ETS1: variants seen among roughly 807,000 people sequenced by gnomAD.
The protein encoded by ETS1 is protein C-ets-1.
Under a neutral mutation model 58.6 loss-of-function variants are expected in ETS1, and 15 were observed. The observed-to-expected ratio is 0.26, with a 90% confidence interval of 0.17 to 0.39. ETS1 has a LOEUF of 0.39. Among genes scored for constraint, ETS1 ranks in the 10% least tolerant of loss-of-function variants. ETS1 has a pLI of 1.00. For synonymous variants in ETS1, 214 were observed against 218.2 expected (o/e 0.98, Z 0.17); for missense variants, 417 against 610.5 (o/e 0.68, Z 3.34).
chr11:128,512,260 T>C (rs573557821), intron 3 of ETS1, among the ~76,000 whole-genome samples: 273 of 152,268 alleles, frequency 1.8e-3, no homozygotes, highest in Middle Eastern at 6.8e-3. Flanking sequence ...TGGCACAAAG[T>C]TTGCGCCCAA....
chr11:128,509,429 T>C (rs1188016219), intron 3 of ETS1, among the ~76,000 whole-genome samples: 3 of 152,176 alleles, frequency 2.0e-5, no homozygotes, highest in Non-Finnish European at 2.9e-5. Context: ...ATTCCTCAAT[T>C]GTCTAATCTG....
At chr11:128,517,632 CAG>C (rs1863560683) in intron 3 of ETS1, among the ~76,000 whole-genome samples, 2 of 152,282 alleles carry the variant, frequency 1.3e-5, no homozygotes, top group South Asian at 4.2e-4. Flanking sequence ...TTACACAAAC[CAG>C]AGAGACATCT....
intron 2 of ETS1, among the ~76,000 whole-genome samples, chr11:128,562,865 A>G (rs1864425949): frequency 6.6e-6 from 1 of 152,052 alleles, no homozygotes; most frequent in African/African-American, 2.4e-5. Flanking sequence ...ATCTCCCTGG[A>G]ACTGCCTATT....
At chr11:128,467,252 G>C (rs962871278) in intron 8 of ETS1, among the ~76,000 whole-genome samples, 1 of 152,174 alleles carries the variant, frequency 6.6e-6, no homozygotes, top group Admixed American at 6.5e-5. Flanking sequence ...GTCTGGGAGG[G>C]GACTTCAGGG....
intron 1 of ETS1, among the ~76,000 whole-genome samples, chr11:128,584,933 AAG>A (rs1837269532): frequency 7.3e-6 from 1 of 137,770 alleles, no homozygotes. Flanking sequence ...AGGAAGAAAA[AAG>A]AGAAAAGAAA....
chr11:128,540,402 C>T (rs1046530129), intron 3 of ETS1, among the ~76,000 whole-genome samples: 4 of 150,222 alleles, frequency 2.7e-5, no homozygotes, highest in Admixed American at 2.6e-4. Context: ...TGTAAATACA[C>T]TAAACAGAAC....
chr11:128,464,422 C>G lies in ETS1; in HGVS notation c.1124-795G>C, dbSNP rs1861981687. Among the ~76,000 whole-genome samples the G allele has an allele frequency of 6.6e-6, 1 of 151,838 alleles. No homozygotes were observed. Among genetic ancestry groups the G allele is most frequent in the Admixed American group, 6.6e-5 (1 of 15,240 alleles). ...CTTCTCTGTCTTAGCCATCAACACT[C>G]TGACAGTCAATTTATTCTATGCTAA... On this transcript the variant is annotated intron_variant, in intron 8 of 9. Coordinates refer to ENST00000392668, the MANE Select transcript of ETS1 (RefSeq NM_001143820.2). The surrounding 1 kb of genome is among the most constrained non-coding windows in gnomAD (Gnocchi z 4.1).
At chr11:128,509,615 A>G (rs941529793) in intron 3 of ETS1, among the ~76,000 whole-genome samples, 2 of 146,402 alleles carry the variant, frequency 1.4e-5, no homozygotes, top group African/African-American at 2.6e-5. Context: ...GTAGATATGT[A>G]TAAGTGAAAT....
chr11:128,583,530 TG>T (rs754820272), intron 1 of ETS1, among the ~76,000 whole-genome samples: 7 of 152,174 alleles, frequency 4.6e-5, no homozygotes, highest in African/African-American at 1.4e-4. Flanking sequence ...TTGCATTATA[TG>T]TTTTTTTTTA....
rs1372984570 is a variant in ETS1, at chr11:128,549,834, G to T, written c.214+6457C>A. Among the ~76,000 whole-genome samples the T allele has an allele frequency of 6.6e-6, 1 of 152,178 alleles. No homozygotes were observed. The highest frequency in any genetic ancestry group is 1.5e-5 in the Non-Finnish European group (1 of 68,032). On this transcript the variant is annotated intron_variant, in intron 3 of 9. Coordinates refer to ENST00000392668, the MANE Select transcript of ETS1 (RefSeq NM_001143820.2). This position sits in a 1 kb window ranked among gnomAD's most constrained non-coding sequence, Gnocchi z 4.3. Reference sequence around the variant, plus strand: ...TGCAGCTCTTTCTGGCCCTCACCAGGCTGGCCTCTCCTTTGGCTGGTGAAA... The same window carrying T: ...TGCAGCTCTTTCTGGCCCTCACCAGTCTGGCCTCTCCTTTGGCTGGTGAAA...
chr11:128,567,611 GTTTTGT>G (rs5795622), intron 2 of ETS1, among the ~76,000 whole-genome samples: 4,976 of 147,556 alleles, frequency 0.034, 263 homozygotes, highest in African/African-American at 0.11. Context: ...TGTTTTTTGG[GTTTTGT>G]TTTTGTTTTT....
chr11:128,498,470 G>A (rs1044221069), intron 3 of ETS1, among the ~76,000 whole-genome samples: 7 of 152,198 alleles, frequency 4.6e-5, no homozygotes, highest in Admixed American at 2.0e-4. Context: ...ATCTGCTAAC[G>A]GGAAATACTT....
intron 8 of ETS1, among the ~76,000 whole-genome samples, chr11:128,465,091 C>T (rs1861998733): frequency 6.6e-6 from 1 of 152,184 alleles, no homozygotes; most frequent in Non-Finnish European, 1.5e-5. Flanking sequence ...GCTACTGACA[C>T]GAGCTATCAT....
chr11:128,469,461 C>T (rs916299463), intron 8 of ETS1, among the ~76,000 whole-genome samples: 14 of 152,212 alleles, frequency 9.2e-5, no homozygotes, highest in African/African-American at 3.4e-4. Context: ...GTGTATCAAT[C>T]TGCCTTTCAT....
chr11:128,503,969 C>G (rs1196931726), intron 3 of ETS1, among the ~76,000 whole-genome samples: 3 of 152,170 alleles, frequency 2.0e-5, no homozygotes, highest in Non-Finnish European at 2.9e-5. Context: ...CCCAACATGG[C>G]ACATCTAATG....
intron 8 of ETS1, among the ~76,000 whole-genome samples, chr11:128,467,326 C>T (rs1212092530): frequency 6.6e-6 from 1 of 152,160 alleles, no homozygotes; most frequent in African/African-American, 2.4e-5. Flanking sequence ...CTACACAGAT[C>T]CACCAGCGAC....
intron 3 of ETS1, among the ~76,000 whole-genome samples, chr11:128,512,072 T>G (rs1431373300): frequency 1.3e-5 from 2 of 152,186 alleles, no homozygotes; most frequent in African/African-American, 4.8e-5. Context: ...ACCCAAATAT[T>G]TCTGAGAATT....
Position 128,511,236 on chromosome 11 carries a change from A to G in ETS1, c.215-20660T>C, listed in dbSNP as rs561399426. 3.0e-4 allele frequency among the ~76,000 whole-genome samples: 46 copies of G among 152,360 alleles called. 1 individual carries two copies. Among genetic ancestry groups the G allele is most frequent in the African/African-American group, 1.1e-3 (46 of 41,590 alleles). ...AAAGGGGTAAACTGAGGCACAGAAG[A>G]ACAAAGCAATGTGCCTTATAGTTCA... On this transcript the variant is annotated intron_variant, in intron 3 of 9. Transcript: ENST00000392668.
intron 1 of ETS1, among the ~76,000 whole-genome samples, chr11:128,581,850 C>T (rs948292124): frequency 1.3e-5 from 2 of 152,080 alleles, no homozygotes; most frequent in Non-Finnish European, 2.9e-5. Flanking sequence ...AACTGAGAGG[C>T]ACCATAAATA....
Sources: gnomAD v4.1 joint callset for allele counts (sites outside exome capture counted in the v4.1 genomes callset) on GRCh38, gnomAD v4.1.1 for gene constraint, Gnocchi (gnomAD v3.1) non-coding constraint, MANE v1.5 for transcripts, NCBI Gene and HGNC (gene_info 2026-07-23, HGNC 2026-07-21) for gene names.